Variants in VCAN observed in about 807,000 individuals in gnomAD.
The protein encoded by VCAN is versican core protein.
In VCAN, 44 loss-of-function variants were observed where a neutral mutation model predicts 245.5. The observed-to-expected ratio is 0.18, with a 90% confidence interval of 0.14 to 0.23. VCAN has a LOEUF of 0.23. Ranked by LOEUF, VCAN falls within the 10% of genes least tolerant of loss-of-function variation. The pLI, the probability that VCAN is intolerant of heterozygous loss-of-function variation, is 1.00. For synonymous variants in VCAN, 1,413 were observed against 1,437.0 expected, an observed-to-expected ratio of 0.98 and a Z score of 0.38; for missense variants, 3,793 against 4,057.9, an observed-to-expected ratio of 0.93 and a Z score of 1.77.
intron 13 of VCAN, among the ~76,000 whole-genome samples, chr5:83,578,090 C>T (rs1018381672): frequency 1.3e-5 from 2 of 151,968 alleles, no homozygotes; most frequent in African/African-American, 4.8e-5. Context: ...TTGTCTGGAC[C>T]CTAGTATAGG....
chr5:83,533,333 C>T (rs1746592783), intron 7 of VCAN, among the ~76,000 whole-genome samples: 1 of 152,004 alleles, frequency 6.6e-6, no homozygotes, highest in African/African-American at 2.4e-5. Context: ...AAGTACATTC[C>T]AAAAGTTTCC....
In VCAN at chr5:83,572,354, G is replaced by A. The variant is rs309585; in HGVS notation, c.9736-62G>A. On this transcript the variant is annotated intron_variant, in intron 12 of 14. Transcript: ENST00000265077. ...TCCAATTAGATTGTGATATAATACC[G>A]TCGTTGCTCTTACGTTACTTTTTGA... The A allele has an allele frequency of 0.29, 455,948 of 1,578,468 alleles. 67,399 individuals carry two copies. Among genetic ancestry groups the A allele is most frequent in the Admixed American group, 0.34 (20,484 of 59,898 alleles).
At chr5:83,515,875 A>G (rs1561241081) in intron 6 of VCAN, among the ~76,000 whole-genome samples, 1 of 152,210 alleles carries the variant, frequency 6.6e-6, no homozygotes, top group Non-Finnish European at 1.5e-5. Flanking sequence ...GGTATATTAC[A>G]AATGTTTCCT....
Position 83,493,838 on chromosome 5 carries a change from G to C in VCAN, c.655G>C (p.Gly219Arg). Residue 219 changes from glycine to arginine, a missense_variant, in exon 5 of 15, where the codon GGA becomes CGA. Physicochemically the swap from Gly to Arg is moderately radical, Grantham distance 125 (BLOSUM62 -2). Transcript: ENST00000265077. ...PIRAPRVGCY[G>R]DKMGKAGVRT... The stretch of plus-strand genomic sequence containing the variant: ...CCGGGCTCCCAGAGTAGGCTGTTAT[G>C]GAGATAAGATGGGAAAGGCAGGAGT... 6.2e-7 allele frequency: 1 copy of C among 1,614,132 alleles called. No individual in the cohort carries two copies. Among genetic ancestry groups the C allele is most frequent in the Non-Finnish European group, 8.5e-7 (1 of 1,179,998 alleles).
intron 12 of VCAN, among the ~76,000 whole-genome samples, chr5:83,570,386 A>G (rs565525030): frequency 6.6e-6 from 1 of 152,256 alleles, no homozygotes; most frequent in East Asian, 1.9e-4. Context: ...TTTTGGCAGG[A>G]TTGAGGAGGA....
At chr5:83,512,691 G>A (rs535707593) in intron 6 of VCAN, 130 of 275,804 alleles carry the variant, frequency 4.7e-4, no homozygotes, top group Non-Finnish European at 7.9e-4. Context: ...TATATTAATT[G>A]CAGTCCTTAA....
At chr5:83,531,119 A>G (rs1187713343) in intron 7 of VCAN, among the ~76,000 whole-genome samples, 1 of 152,164 alleles carries the variant, frequency 6.6e-6, no homozygotes. Flanking sequence ...TTCTCCATAA[A>G]TAATGTAAGT....
chr5:83,533,925 G>A (rs1580032940), intron 7 of VCAN, among the ~76,000 whole-genome samples: 1 of 152,204 alleles, frequency 6.6e-6, no homozygotes, highest in Middle Eastern at 3.4e-3. Flanking sequence ...ATGGTCTTTA[G>A]TAGAATTAAG....
In VCAN at chr5:83,471,917, C is replaced by G. The variant is rs942522938; in HGVS notation, c.-113C>G. On this transcript the variant is annotated 5_prime_UTR_variant, in exon 1 of 15. Transcript: ENST00000265077. ...ACCGTCCCGCACCCTCCGCATCCTT[C>G]CCCGGGCCACCACGCTTCCTATGTG... is the stretch of plus-strand genomic sequence containing the variant. 3 of 392,938 alleles carry G rather than the reference C, an allele frequency of 7.6e-6. No individual in the cohort carries two copies. Among genetic ancestry groups the G allele is most frequent in the Non-Finnish European group, 1.3e-5 (3 of 223,116 alleles). 24.3% of individuals were successfully genotyped at this position (392,938 alleles called of 1,614,324 possible).
chr5:83,481,392 A>C (rs1483882784), intron 1 of VCAN, among the ~76,000 whole-genome samples: 3 of 152,152 alleles, frequency 2.0e-5, no homozygotes, highest in African/African-American at 7.2e-5. Flanking sequence ...ATTTTCTTTA[A>C]CACCTTTTTA....
At chr5:83,526,043 G>A (rs1746282546) in intron 7 of VCAN, among the ~76,000 whole-genome samples, 1 of 151,846 alleles carries the variant, frequency 6.6e-6, no homozygotes, top group South Asian at 2.1e-4. Context: ...GGGTTCAAGC[G>A]ATTCTCCTGC....
chr5:83,548,201 T>G lies in VCAN; in HGVS notation c.9493+117T>G, dbSNP rs1341221861. 4 of 785,978 alleles carry G rather than the reference T, an allele frequency of 5.1e-6. No individual in the cohort carries two copies. The East Asian group carries it at 1.0e-4, about 21-fold the overall frequency. The allele number at this position is 785,978 out of a possible 1,614,324, so 48.7% of individuals were successfully genotyped here. A position where few individuals can be genotyped will look rare whatever the true frequency, so the allele number is the denominator to read the frequency against. On this transcript the variant is annotated intron_variant, in intron 10 of 14. Transcript: ENST00000265077. ...TTCACATTTCCTTAGGTTTCCTTAT[T>G]CAGGGATAGCTCAAAACATCTGAAT...
chr5:83,473,656 A>C (rs576155894), intron 1 of VCAN, among the ~76,000 whole-genome samples: 1 of 152,292 alleles, frequency 6.6e-6, no homozygotes, highest in East Asian at 1.9e-4. Context: ...ATCTGCCCCC[A>C]GTTCAGCTCA....
Position 83,538,417 on chromosome 5 carries a change from A to G in VCAN, c.5414A>G (p.Gln1805Arg), listed in dbSNP as rs756087731. The G allele has an allele frequency of 1.1e-5, 17 of 1,613,934 alleles. No individual in the cohort carries two copies. In the Admixed American group the frequency reaches 2.0e-4, roughly 19 times the overall value. ...ETNTLENLGA[Q>R]TTEHSSIHQP... is the part of the protein sequence containing the mutation. ...AATACATTAGAAAATTTGGGGGCAC[A>G]GACCACTGAGCACAGCAGTATCCAT... The change falls in exon 8 of 15, where the codon CAG becomes CGG. Residue 1805 changes from glutamine to arginine, a missense_variant. This residue lies in a region of VCAN where 3,182 missense variants were observed against 3,250.3 expected (regional missense o/e 0.98). Coordinates refer to ENST00000265077, the MANE Select transcript of VCAN (RefSeq NM_004385.5).
intron 1 of VCAN, among the ~76,000 whole-genome samples, chr5:83,472,242 AG>A (rs1744219664): frequency 6.8e-6 from 1 of 147,362 alleles, no homozygotes; most frequent in Admixed American, 6.9e-5. Context: ...GTGTTGAAAA[AG>A]ATTCAGACAA....
intron 5 of VCAN, among the ~76,000 whole-genome samples, chr5:83,502,647 G>A (rs1271816838): frequency 2.0e-5 from 3 of 152,158 alleles, no homozygotes; most frequent in African/African-American, 7.2e-5. Context: ...ATTGACATAG[G>A]TAAGATCTTG....
At position 83,541,451 on chromosome 5, in the gene VCAN, A is replaced by G; in HGVS notation, c.8448A>G (p.Thr2816=). The part of the protein sequence containing the change: ...YYTDTTLAVS[T]FAKLSSQTPS... ...CTGATACAACATTAGCAGTTTCAAC[A>G]TTTGCGAAGTTGTCTTCTCAGACAC... is the stretch of plus-strand genomic sequence containing the variant. Residue 2816 remains threonine (T), a synonymous_variant, in exon 8 of 15, where the codon ACA becomes ACG. Transcript: ENST00000265077. 2 of 1,614,044 alleles carry G rather than the reference A, an allele frequency of 1.2e-6. No homozygotes were observed. The highest frequency in any genetic ancestry group is 1.7e-6 in the Non-Finnish European group (2 of 1,179,990).
rs1746791366 is a variant in VCAN at position 83,537,938 on chromosome 5, A to G, written c.4935A>G (p.Ala1645=). The G allele has an allele frequency of 1.9e-6, 3 of 1,613,698 alleles. No individual in the cohort carries two copies. Among genetic ancestry groups the G allele is most frequent in the African/African-American group, 2.7e-5 (2 of 74,886 alleles). ...SIPITEGSGE[A]EEDEDTMFTM... ...CAATTACAGAAGGCTCTGGAGAAGC[A>G]GAAGAAGATGAAGATACAATGTTCA... The change falls in exon 8 of 15, where the codon GCA becomes GCG. Residue 1645 remains alanine (A), a synonymous_variant. Transcript: ENST00000265077.
At chr5:83,578,722 G>A (rs1421251787) in intron 13 of VCAN, among the ~76,000 whole-genome samples, 1 of 152,096 alleles carries the variant, frequency 6.6e-6, no homozygotes, top group African/African-American at 2.4e-5. Flanking sequence ...AATATTTCAT[G>A]AGAGAATGTG....
Sources: gnomAD v4.1 joint callset for allele counts (sites outside exome capture counted in the v4.1 genomes callset) on GRCh38, gnomAD v4.1.1 for gene constraint, gnomAD v4.1.1 regional missense constraint, MANE v1.5 for transcripts, NCBI Gene and HGNC (gene_info 2026-07-23, HGNC 2026-07-21) for gene names.